Variants in DDC observed in about 807,000 individuals in gnomAD.
DDC encodes dopa decarboxylase, also known as aromatic-L-amino-acid decarboxylase.
Under a neutral mutation model 60.0 loss-of-function variants are expected in DDC, and 43 were observed. That is an observed-to-expected ratio of 0.72 (90% confidence interval 0.56 to 0.92). The LOEUF (loss-of-function observed/expected upper bound fraction) is 0.92, where lower values mean the gene tolerates loss of function less well. DDC is among the 40% of genes least tolerant of loss of function. The pLI is 0.00. For missense variants in DDC, 573 were observed against 620.2 expected, an observed-to-expected ratio of 0.92 and a Z score of 0.81; for synonymous variants, 232 against 234.6, an observed-to-expected ratio of 0.99 and a Z score of 0.10.
intron 1 of DDC, among the ~76,000 whole-genome samples, chr7:50,547,174 T>C (rs894220783): frequency 4.6e-5 from 7 of 152,180 alleles, no homozygotes; most frequent in African/African-American, 1.7e-4. Context: ...AATTTCTAAG[T>C]ACATTTCTCA....
intron 2 of DDC, chr7:50,540,265 T>A: frequency 2.0e-6 from 1 of 494,234 alleles, no homozygotes. Flanking sequence ...GACACTGGAA[T>A]GTATTTGCTA....
At chr7:50,512,545 T>C (rs1054018334) in intron 6 of DDC, among the ~76,000 whole-genome samples, 5 of 152,204 alleles carry the variant, frequency 3.3e-5, no homozygotes, top group African/African-American at 9.6e-5. Context: ...CCCAGGCCCA[T>C]GGCACATAGC....
intron 1 of DDC, among the ~76,000 whole-genome samples, chr7:50,564,950 G>T (rs1438702242): frequency 6.6e-6 from 1 of 152,144 alleles, no homozygotes; most frequent in Non-Finnish European, 1.5e-5. Flanking sequence ...GAGGCTGGGG[G>T]AATAAAATAC....
chr7:50,533,901 C>T (rs567412895), intron 4 of DDC, among the ~76,000 whole-genome samples: 5 of 152,184 alleles, frequency 3.3e-5, no homozygotes, highest in South Asian at 2.1e-4. Flanking sequence ...AGACCCTGGC[C>T]GATGGAGGAA....
intron 6 of DDC, among the ~76,000 whole-genome samples, chr7:50,506,917 G>A (rs2043414027): frequency 6.6e-6 from 1 of 152,160 alleles, no homozygotes; most frequent in Non-Finnish European, 1.5e-5. Flanking sequence ...GTTTCATTTT[G>A]GCAAGATAAG....
At chr7:50,481,691 A>G (rs973347572) in intron 9 of DDC, among the ~76,000 whole-genome samples, 7 of 152,248 alleles carry the variant, frequency 4.6e-5, no homozygotes, top group African/African-American at 1.7e-4. Flanking sequence ...GTCCCACACA[A>G]GAGGCCACAA....
At chr7:50,486,887 T>A (rs991301192) in intron 9 of DDC, among the ~76,000 whole-genome samples, 1 of 152,218 alleles carries the variant, frequency 6.6e-6, no homozygotes, top group Non-Finnish European at 1.5e-5. Flanking sequence ...AAGTTCATCT[T>A]ATCTGTTGTA....
intron 6 of DDC, among the ~76,000 whole-genome samples, chr7:50,510,225 T>G (rs1179573791): frequency 6.6e-6 from 1 of 152,216 alleles, no homozygotes; most frequent in African/African-American, 2.4e-5. Flanking sequence ...TCCGCCCACC[T>G]TGGCCTCCCA....
chr7:50,483,340 G>T (rs2042811400), intron 9 of DDC, among the ~76,000 whole-genome samples: 1 of 152,126 alleles, frequency 6.6e-6, no homozygotes, highest in African/African-American at 2.4e-5. Flanking sequence ...GCCATATCCA[G>T]ATTAAACACA....
intron 1 of DDC, among the ~76,000 whole-genome samples, chr7:50,545,297 G>A (rs1364569072): frequency 6.6e-6 from 1 of 152,050 alleles, no homozygotes; most frequent in Non-Finnish European, 1.5e-5. Context: ...TTGACATTGG[G>A]GGTTACAAAT....
At chr7:50,476,475 C>T in intron 11 of DDC, 149 bp downstream of exon 11, 3 of 745,636 alleles carry the variant, frequency 4.0e-6, no homozygotes, top group Non-Finnish European at 7.1e-6. Flanking sequence ...CCTGGCAGGA[C>T]CCCCCTAATT....
intron 1 of DDC, among the ~76,000 whole-genome samples, chr7:50,547,525 C>A (rs2044847461): frequency 6.6e-6 from 1 of 152,154 alleles, no homozygotes; most frequent in Admixed American, 6.5e-5. Flanking sequence ...CCGATAAATA[C>A]TTTTCTATTG....
chr7:50,555,702 G>C (rs917697869), intron 1 of DDC, among the ~76,000 whole-genome samples: 2 of 152,142 alleles, frequency 1.3e-5, no homozygotes, highest in African/African-American at 4.8e-5. Context: ...CTCTTTGCCT[G>C]GTTCTCGTAT....
chr7:50,527,219 C>T (rs1259690738), intron 6 of DDC, among the ~76,000 whole-genome samples: 2 of 152,094 alleles, frequency 1.3e-5, no homozygotes, highest in African/African-American at 2.4e-5. Flanking sequence ...ACGACATACG[C>T]TATAAGTGGT....
chr7:50,532,710 T>G (rs2044257277), intron 4 of DDC, among the ~76,000 whole-genome samples: 1 of 152,260 alleles, frequency 6.6e-6, no homozygotes, highest in Admixed American at 6.5e-5. Context: ...TAGCTCTTAT[T>G]ATAATAGACA....
At chr7:50,513,476 T>C (rs753975945) in intron 6 of DDC, among the ~76,000 whole-genome samples, 3 of 152,194 alleles carry the variant, frequency 2.0e-5, no homozygotes, top group Admixed American at 6.5e-5. Flanking sequence ...AGAAGCCTCC[T>C]GGCCAGAACT....
intron 2 of DDC, 109 bp downstream of exon 2, chr7:50,543,776 C>A (rs2044711617): frequency 8.9e-6 from 10 of 1,123,154 alleles, no homozygotes; most frequent in South Asian, 3.8e-5. Context: ...TCTCTCCAAC[C>A]TGACTGCCAT....
At chr7:50,515,376 C>A (rs1563019372) in intron 6 of DDC, among the ~76,000 whole-genome samples, 1 of 152,168 alleles carries the variant, frequency 6.6e-6, no homozygotes, top group Non-Finnish European at 1.5e-5. Context: ...TTCACCATTA[C>A]CAAGCCACCA....
chr7:50,522,747 T>C (rs150170984), intron 6 of DDC, among the ~76,000 whole-genome samples: 1,923 of 152,254 alleles, frequency 0.013, 49 homozygotes, highest in African/African-American at 0.044. Context: ...ACTGGGTAAT[T>C]TATAAAGAAA....
Sources: allele counts gnomAD v4.1 joint callset (sites outside exome capture counted in the v4.1 genomes callset), GRCh38; gene constraint gnomAD v4.1.1; transcripts MANE v1.5; gene names NCBI Gene and HGNC (gene_info 2026-07-23, HGNC 2026-07-21).